PEBP4: variants seen among roughly 807,000 people sequenced by gnomAD.
PEBP4 encodes the protein phosphatidylethanolamine binding protein 4, also known as phosphatidylethanolamine-binding protein 4.
PEBP4 carries 22 observed loss-of-function variants against 23.9 expected under a neutral mutation model. The ratio of observed to expected loss-of-function variants is 0.92; its 90% CI spans 0.66 to 1.31. PEBP4 has a LOEUF of 1.31. PEBP4 is among the 40% of genes most tolerant of loss of function. PEBP4 has a pLI of 0.00. For missense variants in PEBP4, 324 were observed against 281.7 expected (o/e 1.15, Z -1.07); for synonymous variants, 112 against 99.3 (o/e 1.13, Z -0.76).
chr8:22,737,543 C>T (rs530858369), intron 4 of PEBP4, among the ~76,000 whole-genome samples: 7 of 152,176 alleles, frequency 4.6e-5, no homozygotes, highest in Non-Finnish European at 1.0e-4. Context: ...CCACTCCCCC[C>T]GCCTTGGAGA....
intron 6 of PEBP4, among the ~76,000 whole-genome samples, chr8:22,717,883 C>T (rs1335098399): frequency 1.3e-5 from 2 of 152,120 alleles, no homozygotes; most frequent in Admixed American, 6.5e-5. Flanking sequence ...TTGTCTGGCT[C>T]GTCACGGGAC....
chr8:22,911,309 C>A (rs988534415), intron 3 of PEBP4, among the ~76,000 whole-genome samples: 1 of 152,028 alleles, frequency 6.6e-6, no homozygotes, highest in Admixed American at 6.6e-5. Flanking sequence ...CCCTCAAAGT[C>A]GGGATCCTAT....
chr8:22,922,587 A>AAC (rs1308008442), intron 2 of PEBP4, among the ~76,000 whole-genome samples: 33 of 93,516 alleles, frequency 3.5e-4, no homozygotes, highest in African/African-American at 1.1e-3. Flanking sequence ...CAAACAAACA[A>AAC]AAAAAAAACA....
intron 4 of PEBP4, among the ~76,000 whole-genome samples, chr8:22,777,852 G>T (rs971714367): frequency 6.6e-6 from 1 of 152,156 alleles, no homozygotes; most frequent in African/African-American, 2.4e-5. Flanking sequence ...TGTGGGAGAA[G>T]GCTGCTTTTC....
chr8:22,878,289 G>A (rs1321898281), intron 3 of PEBP4: 1 of 151,998 alleles, frequency 6.6e-6, no homozygotes, highest in East Asian at 1.9e-4. Context: ...AATATAGTAG[G>A]GGACTGGCCT....
chr8:22,856,101 C>T (rs572786919), intron 3 of PEBP4, among the ~76,000 whole-genome samples: 1 of 140,868 alleles, frequency 7.1e-6, no homozygotes, highest in Non-Finnish European at 1.6e-5. Flanking sequence ...AAACAAAAGA[C>T]CAAGAAGATA....
intron 6 of PEBP4, among the ~76,000 whole-genome samples, chr8:22,722,047 T>C (rs1009822879): frequency 2.6e-5 from 4 of 152,164 alleles, no homozygotes; most frequent in Non-Finnish European, 4.4e-5. Context: ...GTTCGTCGTC[T>C]CCAAAGAGTG....
intron 4 of PEBP4, among the ~76,000 whole-genome samples, chr8:22,751,421 T>C (rs1805255511): frequency 6.6e-6 from 1 of 152,126 alleles, no homozygotes. Context: ...CAGGAACACG[T>C]GTGAGACCCT....
At chr8:22,734,106 G>A (rs1020540177) in intron 4 of PEBP4, among the ~76,000 whole-genome samples, 1 of 152,226 alleles carries the variant, frequency 6.6e-6, no homozygotes, top group Non-Finnish European at 1.5e-5. Flanking sequence ...CCAGGAAAAG[G>A]CACAGGACTG....
At chr8:22,902,788 A>C (rs902304692) in intron 3 of PEBP4, among the ~76,000 whole-genome samples, 1 of 152,224 alleles carries the variant, frequency 6.6e-6, no homozygotes, top group African/African-American at 2.4e-5. Context: ...AAAAAGATCA[A>C]GGGAGTTTGT....
chr8:22,764,953 A>G (rs1030143747), intron 4 of PEBP4, among the ~76,000 whole-genome samples: 1 of 151,882 alleles, frequency 6.6e-6, no homozygotes. Flanking sequence ...AGAGGAGGGG[A>G]TGGACTTCCC....
chr8:22,929,542 C>T (rs28478074), upstream of PEBP4, among the ~76,000 whole-genome samples: 8,838 of 152,316 alleles, frequency 0.058, 280 homozygotes, highest in South Asian at 0.076. Flanking sequence ...TCTCCGAATC[C>T]TCATGCCAAT....
chr8:22,867,972 C>T (rs539117589), intron 3 of PEBP4, among the ~76,000 whole-genome samples: 2 of 152,222 alleles, frequency 1.3e-5, no homozygotes, highest in Non-Finnish European at 2.9e-5. Context: ...TAAACAGTCA[C>T]CTCTGTGCAT....
At chr8:22,854,716 A>C (rs1563238273) in intron 3 of PEBP4, among the ~76,000 whole-genome samples, 1 of 152,160 alleles carries the variant, frequency 6.6e-6, no homozygotes, top group East Asian at 1.9e-4. Context: ...AATTACCATA[A>C]ATATGTGTAA....
chr8:22,856,706 A>C, intron 3 of PEBP4, among the ~76,000 whole-genome samples: 1 of 151,672 alleles, frequency 6.6e-6, no homozygotes, highest in Non-Finnish European at 1.5e-5. Context: ...ATAGAGGGAA[A>C]CTGTCTCTAA....
intron 3 of PEBP4, among the ~76,000 whole-genome samples, chr8:22,844,791 A>G (rs1470386024): frequency 6.6e-6 from 1 of 152,128 alleles, no homozygotes; most frequent in African/African-American, 2.4e-5. Context: ...CGTATCTGGG[A>G]TCTGACTCTG....
intron 4 of PEBP4, among the ~76,000 whole-genome samples, chr8:22,730,155 C>T (rs1450681602): frequency 6.6e-6 from 1 of 152,172 alleles, no homozygotes; most frequent in Non-Finnish European, 1.5e-5. Context: ...TTTCCAAAGA[C>T]CATGATTAAA....
At chr8:22,891,341 G>C (rs1178725769) in intron 3 of PEBP4, among the ~76,000 whole-genome samples, 4 of 152,204 alleles carry the variant, frequency 2.6e-5, no homozygotes, top group Non-Finnish European at 5.9e-5. Flanking sequence ...TGGGAGCCAT[G>C]GAACCAGGCT....
chr8:22,825,653 A>G (rs1477519749), intron 3 of PEBP4, among the ~76,000 whole-genome samples: 1 of 152,178 alleles, frequency 6.6e-6, no homozygotes, highest in Non-Finnish European at 1.5e-5. Context: ...TAACATCCAC[A>G]TGGTGGATTC....
Sources: allele counts gnomAD v4.1 joint callset (sites outside exome capture counted in the v4.1 genomes callset), GRCh38; gene constraint gnomAD v4.1.1; transcripts MANE v1.5; gene names NCBI Gene and HGNC (gene_info 2026-07-23, HGNC 2026-07-21).